Variants in SLC4A4 observed in about 807,000 individuals in gnomAD.
The protein encoded by SLC4A4 is electrogenic sodium bicarbonate cotransporter 1.
In SLC4A4, 27 loss-of-function variants were observed where a neutral mutation model predicts 111.5. That is an observed-to-expected ratio of 0.24 (90% CI 0.18 to 0.33). The LOEUF (loss-of-function observed/expected upper bound fraction) is 0.33, where lower values mean the gene tolerates loss of function less well. SLC4A4 is among the 10% of genes least tolerant of loss of function. The probability of loss-of-function intolerance (pLI) is 1.00; values close to 1 mark genes in which losing one functional copy is unlikely to be tolerated. For missense variants in SLC4A4, 909 were observed against 1,315.5 expected, an observed-to-expected ratio of 0.69 and a Z score of 4.78; for synonymous variants, 443 against 463.4, an observed-to-expected ratio of 0.96 and a Z score of 0.57.
chr4:71,559,666 A>G (rs1478283887), intron 22 of SLC4A4, among the ~76,000 whole-genome samples: 1 of 151,806 alleles, frequency 6.6e-6, no homozygotes, highest in Admixed American at 6.6e-5. Flanking sequence ...TTAGTGTTAT[A>G]TGTGTCGTAC....
chr4:71,182,717 C>G (rs973894870), upstream of SLC4A4, among the ~76,000 whole-genome samples: 1 of 106,198 alleles, frequency 9.4e-6, no homozygotes, highest in African/African-American at 7.1e-5. Context: ...GTACATTTCA[C>G]ACACACACAC....
upstream of SLC4A4, among the ~76,000 whole-genome samples, chr4:71,184,864 G>A (rs1030715901): frequency 1.4e-4 from 21 of 152,144 alleles, no homozygotes; most frequent in African/African-American, 5.1e-4. Flanking sequence ...AATAGGAAAG[G>A]AAATAGAACA....
intron 3 of SLC4A4, among the ~76,000 whole-genome samples, chr4:71,268,861 G>A (rs926427594): frequency 7.2e-5 from 11 of 152,180 alleles, no homozygotes; most frequent in Admixed American, 2.0e-4. Context: ...TGACTAAGCC[G>A]CGTTAACTAT....
At chr4:71,466,966 G>GAGAGAGAGAGAGAGAGAGAGAGA (rs369970583) in intron 13 of SLC4A4, among the ~76,000 whole-genome samples, 10 of 88,468 alleles carry the variant, frequency 1.1e-4, no homozygotes, top group East Asian at 8.5e-4. Flanking sequence ...AGAGAGAGAG[G>GAGAGAGAGAGAGAGAGAGAGAGA]GAGAGAGAGA....
At chr4:71,160,648 G>A (rs534598223) in intron 2 of SLC4A4, among the ~76,000 whole-genome samples, 82 of 148,770 alleles carry the variant, frequency 5.5e-4, no homozygotes, top group Non-Finnish European at 1.1e-3. Flanking sequence ...GATGAGGAAA[G>A]GTAGGAGCTT....
chr4:71,393,079 T>G (rs1650906639), intron 6 of SLC4A4, among the ~76,000 whole-genome samples: 1 of 152,012 alleles, frequency 6.6e-6, no homozygotes. Context: ...TGGGGAAAAG[T>G]TGGAAGCATT....
At chr4:71,565,685 G>A (rs1024386331) in intron 24 of SLC4A4, among the ~76,000 whole-genome samples, 3 of 151,840 alleles carry the variant, frequency 2.0e-5, no homozygotes, top group Admixed American at 6.6e-5. Context: ...AAGGAAACAC[G>A]TGAATTCTAG....
intron 16 of SLC4A4, among the ~76,000 whole-genome samples, chr4:71,529,476 AG>A (rs1282286680): frequency 6.6e-6 from 1 of 151,680 alleles, no homozygotes; most frequent in African/African-American, 2.4e-5. Context: ...CCAAATTAGC[AG>A]CCCCATACAT....
rs533317315 is a variant in SLC4A4 at position 71,146,396 on chromosome 4, G to A, written c.-2+53604G>A. Among the ~76,000 whole-genome samples, 29 of 152,268 alleles carry A rather than the reference G, an allele frequency of 1.9e-4. 1 individual carries two copies. Among genetic ancestry groups the A allele is most frequent in the African/African-American group, 6.3e-4 (26 of 41,554 alleles). On this transcript the variant is annotated intron_variant, in intron 2 of 26. Transcript: ENST00000649996. ...TGTGGTCAATTTTGGAATAGGTGTG[G>A]TGTGGTGCTGAAAAGAATGTATATT...
intron 3 of SLC4A4, among the ~76,000 whole-genome samples, chr4:71,278,475 C>CCT (rs1400466419): frequency 2.6e-5 from 4 of 152,182 alleles, no homozygotes; most frequent in Non-Finnish European, 5.9e-5. Flanking sequence ...AGTGGGATTG[C>CCT]TGGATCCTAT....
intron 2 of SLC4A4, among the ~76,000 whole-genome samples, chr4:71,128,058 C>T (rs10030652): frequency 0.028 from 4,309 of 152,270 alleles, 80 homozygotes; most frequent in Middle Eastern, 0.058. Flanking sequence ...TACACTCCAG[C>T]CTGGGTGACA....
intron 3 of SLC4A4, among the ~76,000 whole-genome samples, chr4:71,332,386 C>A (rs1728072509): frequency 6.6e-6 from 1 of 151,572 alleles, no homozygotes; most frequent in South Asian, 2.1e-4. Context: ...AGGCTGTTTT[C>A]TAGATCTCAC....
At chr4:71,260,015 T>C (rs1447332282) in intron 3 of SLC4A4, among the ~76,000 whole-genome samples, 12 of 152,218 alleles carry the variant, frequency 7.9e-5, no homozygotes, top group Admixed American at 7.2e-4. Context: ...GCTAGGTATG[T>C]CCATACAGAC....
At chr4:71,265,774 C>T (rs1173748512) in intron 3 of SLC4A4, among the ~76,000 whole-genome samples, 1 of 152,094 alleles carries the variant, frequency 6.6e-6, no homozygotes, top group Admixed American at 6.6e-5. Context: ...ATCATTACCT[C>T]TTTGTGTTGG....
chr4:71,301,005 C>T, intron 3 of SLC4A4: 1 of 453,372 alleles, frequency 2.2e-6, no homozygotes, highest in Admixed American at 2.4e-5. Context: ...TGGGGGCCCC[C>T]TACAGCCATG....
chr4:71,210,400 A>G (rs1007998376), intron 1 of SLC4A4, among the ~76,000 whole-genome samples: 1 of 152,254 alleles, frequency 6.6e-6, no homozygotes, highest in African/African-American at 2.4e-5. Context: ...TATTTCTAGA[A>G]CCAAAGTAAC....
chr4:71,471,509 T>G (rs1727864970), intron 13 of SLC4A4, among the ~76,000 whole-genome samples: 1 of 151,870 alleles, frequency 6.6e-6, no homozygotes, highest in East Asian at 1.9e-4. Flanking sequence ...TGGGAAAGTT[T>G]TAAGATATAT....
At chr4:71,106,271 C>A (rs962211737) in intron 2 of SLC4A4, among the ~76,000 whole-genome samples, 1 of 149,278 alleles carries the variant, frequency 6.7e-6, no homozygotes, top group Non-Finnish European at 1.5e-5. Flanking sequence ...AGTCAGGAAA[C>A]AACAGGTGCT....
chr4:71,422,934 G>A (rs1222370929), intron 7 of SLC4A4, among the ~76,000 whole-genome samples: 5 of 152,182 alleles, frequency 3.3e-5, no homozygotes, highest in Admixed American at 6.5e-5. Context: ...GCACAAGACA[G>A]GGCTGCCCTC....
Sources: allele counts gnomAD v4.1 joint callset (sites outside exome capture counted in the v4.1 genomes callset), GRCh38; gene constraint gnomAD v4.1.1; transcripts MANE v1.5; gene names NCBI Gene and HGNC (gene_info 2026-07-23, HGNC 2026-07-21).